The following KIAA1958 variants were observed in gnomAD, a reference collection of about 807,000 sequenced individuals.
KIAA1958 encodes uncharacterized protein KIAA1958.
In KIAA1958, 14 loss-of-function variants were observed where a neutral mutation model predicts 47.2. The observed-to-expected ratio is 0.30, with a 90% CI of 0.20 to 0.46. The LOEUF (loss-of-function observed/expected upper bound fraction) is 0.46. Ranked by LOEUF, KIAA1958 falls within the 20% of genes least tolerant of loss-of-function variation. The pLI is 1.00. For missense variants in KIAA1958, 803 were observed against 909.2 expected, an observed-to-expected ratio of 0.88 and a Z score of 1.50; for synonymous variants, 354 against 353.3, an observed-to-expected ratio of 1.00 and a Z score of -0.02.
intron 1 of KIAA1958, among the ~76,000 whole-genome samples, chr9:112,516,137 T>C (rs949885555): frequency 1.3e-5 from 2 of 152,160 alleles, no homozygotes; most frequent in East Asian, 3.8e-4. Flanking sequence ...CTAGAACTAA[T>C]TAATCAATTT....
chr9:112,598,286 C>T (rs915135869), intron 2 of KIAA1958, among the ~76,000 whole-genome samples: 2 of 152,146 alleles, frequency 1.3e-5, no homozygotes, highest in African/African-American at 2.4e-5. Flanking sequence ...AGGCCACTGT[C>T]GTTGGCATGG....
At position 112,660,124 on chromosome 9, in the gene KIAA1958, G is replaced by T; in HGVS notation, c.*55G>T. ...TCACCTGCTCGGGCCAGCCAGGGTT[G>T]GAGCAGCTGGAGCTCCTTGGAGGCA... On this transcript the variant is annotated 3_prime_UTR_variant, in exon 4 of 4. Transcript: ENST00000337530. 1 of 1,487,602 alleles carries T rather than the reference G, an allele frequency of 6.7e-7. No homozygotes were observed. Among genetic ancestry groups the T allele is most frequent in the Non-Finnish European group, 9.2e-7 (1 of 1,086,166 alleles). The allele number at this position is 1,487,602 out of a possible 1,614,324, so 92.2% of individuals were successfully genotyped here.
At chr9:112,596,769 T>C (rs2676624) in intron 2 of KIAA1958, among the ~76,000 whole-genome samples, 45,534 of 152,118 alleles carry the variant, frequency 0.3, 6,839 homozygotes, top group Middle Eastern at 0.4. Flanking sequence ...TCCATTTTTA[T>C]GTGTTATCTG....
At chr9:112,526,588 A>G (rs931950665) in intron 1 of KIAA1958, among the ~76,000 whole-genome samples, 5 of 152,198 alleles carry the variant, frequency 3.3e-5, no homozygotes, top group Non-Finnish European at 7.4e-5. Flanking sequence ...ATTTGCTCAC[A>G]GTTCTGGAGG....
At chr9:112,504,998 CTA>C (rs1365690869) in intron 1 of KIAA1958, among the ~76,000 whole-genome samples, 1 of 152,192 alleles carries the variant, frequency 6.6e-6, no homozygotes, top group Non-Finnish European at 1.5e-5. Context: ...CTATCTTACT[CTA>C]TGTGTACCCT....
intron 1 of KIAA1958, among the ~76,000 whole-genome samples, chr9:112,497,479 A>C (rs1307738342): frequency 1.3e-5 from 2 of 152,190 alleles, no homozygotes; most frequent in Non-Finnish European, 2.9e-5. Flanking sequence ...AAGCCTGCCA[A>C]CACTTTGATC....
At chr9:112,560,198 C>CTTTTTTTTTTTTTTTT (rs745805478) in intron 1 of KIAA1958, among the ~76,000 whole-genome samples, 2 of 108,662 alleles carry the variant, frequency 1.8e-5, no homozygotes, top group Non-Finnish European at 1.9e-5. Flanking sequence ...TTTTCTTTTT[C>CTTTTTTTTTTTTTTTT]TTTTTTTTTC....
chr9:112,539,201 C>T (rs1834900448), intron 1 of KIAA1958, among the ~76,000 whole-genome samples: 1 of 152,168 alleles, frequency 6.6e-6, no homozygotes, highest in South Asian at 2.1e-4. Flanking sequence ...TAGGTTTATA[C>T]CTGAGACTAT....
intron 2 of KIAA1958, among the ~76,000 whole-genome samples, chr9:112,628,582 A>G (rs946327871): frequency 1.1e-4 from 16 of 152,346 alleles, no homozygotes; most frequent in Non-Finnish European, 2.1e-4. Flanking sequence ...GAGCCTTTGT[A>G]CCAAGAATTC....
chr9:112,654,087 T>C (rs1270725599), intron 3 of KIAA1958, among the ~76,000 whole-genome samples: 1 of 152,106 alleles, frequency 6.6e-6, no homozygotes, highest in African/African-American at 2.4e-5. Flanking sequence ...CCAAAGGGTG[T>C]GTGTACAGGG....
intron 2 of KIAA1958, chr9:112,617,851 C>A: frequency 4.0e-6 from 6 of 1,507,620 alleles, no homozygotes; most frequent in Non-Finnish European, 5.4e-6. Flanking sequence ...CTCTATCCCT[C>A]CCCCCCCAAT....
intron 1 of KIAA1958, among the ~76,000 whole-genome samples, chr9:112,537,016 A>C (rs1355512328): frequency 6.6e-6 from 1 of 152,228 alleles, no homozygotes; most frequent in Admixed American, 6.5e-5. Context: ...AAAAGTTATC[A>C]GTAAGAAGAG....
intron 2 of KIAA1958, among the ~76,000 whole-genome samples, chr9:112,615,192 G>A (rs1055698657): frequency 2.0e-5 from 3 of 151,978 alleles, no homozygotes; most frequent in African/African-American, 7.3e-5. Context: ...GAGGCAAGAC[G>A]GGCAGATCAC....
chr9:112,636,387 C>T (rs1836805001), intron 2 of KIAA1958, among the ~76,000 whole-genome samples: 1 of 152,034 alleles, frequency 6.6e-6, no homozygotes, highest in Non-Finnish European at 1.5e-5. Flanking sequence ...CTTTATGTAT[C>T]AATTAAGTCC....
At chr9:112,566,150 G>A (rs1010949971) in intron 1 of KIAA1958, among the ~76,000 whole-genome samples, 3 of 151,798 alleles carry the variant, frequency 2.0e-5, no homozygotes, top group East Asian at 3.9e-4. Flanking sequence ...TGATCTGCCC[G>A]TCTTGGCCTC....
Position 112,637,467 on chromosome 9 carries a change from C to T in KIAA1958, c.1172-8183C>T, listed in dbSNP as rs189033715. ...CGCAATCTCAGCTCACTGCAACCTCCTCCAGTTTCAAGCGACTCTCCTGCC... is the reference window on the plus strand; with the variant it reads ...CGCAATCTCAGCTCACTGCAACCTCTTCCAGTTTCAAGCGACTCTCCTGCC... On this transcript the variant is annotated intron_variant, in intron 2 of 3. Coordinates refer to ENST00000337530, the MANE Select transcript of KIAA1958 (RefSeq NM_133465.4). 2.9e-3 allele frequency among the ~76,000 whole-genome samples: 436 copies of T among 152,084 alleles called. 4 individuals are homozygous for T. The highest frequency in any genetic ancestry group is 0.01 in the African/African-American group (425 of 41,488).
chr9:112,652,956 G>A (rs943928063), intron 3 of KIAA1958, among the ~76,000 whole-genome samples: 1 of 152,122 alleles, frequency 6.6e-6, no homozygotes, highest in African/African-American at 2.4e-5. Context: ...TGTATTTCGG[G>A]ACTTCTGGTA....
rs181981502 is a variant in KIAA1958, at chr9:112,527,185, A to G, written c.-25+40067A>G. ...ATAAAACATATTTACCATAAATCAC[A>G]AGAATCAACTGTGCATACAGACTAC... On this transcript the variant is annotated intron_variant, in intron 1 of 3. Transcript: ENST00000337530. Among the ~76,000 whole-genome samples, 28 of 152,362 alleles carry G rather than the reference A, an allele frequency of 1.8e-4. No homozygotes were observed. In the East Asian group the frequency reaches 5.4e-3, roughly 29 times the overall value.
chr9:112,508,812 AATAAGATTTTT>A (rs1420240732), intron 1 of KIAA1958, among the ~76,000 whole-genome samples: 1 of 151,596 alleles, frequency 6.6e-6, no homozygotes, highest in East Asian at 1.9e-4. Flanking sequence ...TTTTTTTTCT[AATAAGATTTTT>A]ATAAGATTAT....
Sources: allele counts gnomAD v4.1 joint callset (sites outside exome capture counted in the v4.1 genomes callset), GRCh38; gene constraint gnomAD v4.1.1; transcripts MANE v1.5; gene names NCBI Gene and HGNC (gene_info 2026-07-23, HGNC 2026-07-21).